Variants in ATP2C2 observed in about 807,000 individuals in gnomAD.
ATP2C2 encodes the protein calcium-transporting ATPase type 2C member 2.
A neutral mutation model predicts 110.8 loss-of-function variants in ATP2C2; 171 were observed. The ratio of observed to expected loss-of-function variants is 1.54; its 90% CI spans 1.36 to 1.75. The LOEUF is 1.75. ATP2C2 is among the 40% of genes most tolerant of loss of function. The pLI is 0.00. For synonymous variants in ATP2C2, 804 were observed against 508.4 expected, an observed-to-expected ratio of 1.58 and a Z score of -7.82; for missense variants, 1,963 against 1,235.0, an observed-to-expected ratio of 1.59 and a Z score of -8.84.
rs769137518 is a variant in ATP2C2 at position 84,451,993 on chromosome 16, C to G, written c.1733C>G (p.Pro578Arg). 3.1e-6 allele frequency: 5 copies of G among 1,613,984 alleles called. No homozygotes were observed. Among genetic ancestry groups the G allele is most frequent in the South Asian group, 2.2e-5 (2 of 91,044 alleles). The change falls in exon 18 of 27, where the codon CCG (proline) becomes CGG (arginine). Residue 578 changes from proline (P) to arginine (R), a missense_variant. Transcript: ENST00000262429. ...GGTCTTGTGGGCATCATTGACCCCC[C>G]GAGAGTTGGCGTGAAGGAAGCAGTC... The part of the protein sequence containing the change: ...FLGLVGIIDP[P>R]RVGVKEAVQV...
chr16:84,433,647 G>A (rs182160664), intron 11 of ATP2C2, among the ~76,000 whole-genome samples: 14 of 150,056 alleles, frequency 9.3e-5, no homozygotes, highest in South Asian at 2.1e-4. Context: ...GCAAGACTCC[G>A]TCTCAAAAAC....
Position 84,440,899 on chromosome 16 carries a change from C to CT in ATP2C2, c.1253dup (p.Pro419ThrfsTer7), listed in dbSNP as rs966119486. ...TGACGGTCAAGGGACTGTGTGTCTT[C>CT]TACCATCCAAGGAAGTCATTAAGGA... On this transcript the variant is annotated frameshift_variant, in exon 14 of 27. Coordinates refer to ENST00000262429, the MANE Select transcript of ATP2C2 (RefSeq NM_014861.4). LOFTEE classifies it high-confidence loss of function. 2 of 1,613,550 alleles carry CT rather than the reference C, an allele frequency of 1.2e-6. No individual in the cohort carries two copies. Among genetic ancestry groups the CT allele is most frequent in the Non-Finnish European group, 1.7e-6 (2 of 1,179,976 alleles).
At chr16:84,383,909 C>G (rs1311940385) in intron 1 of ATP2C2, among the ~76,000 whole-genome samples, 1 of 151,636 alleles carries the variant, frequency 6.6e-6, no homozygotes, top group Non-Finnish European at 1.5e-5. Flanking sequence ...CCAACCTCAG[C>G]CTCCCCAGTA....
chr16:84,386,917 T>G (rs1904345024), intron 1 of ATP2C2, among the ~76,000 whole-genome samples: 1 of 133,452 alleles, frequency 7.5e-6, no homozygotes, highest in Non-Finnish European at 1.7e-5. Flanking sequence ...TTTGTTTGTT[T>G]GTTTGTTTTG....
intron 2 of ATP2C2, 119 bp from the exon 3 acceptor site, chr16:84,405,009 C>G (rs549709836): frequency 4.6e-6 from 4 of 865,068 alleles, no homozygotes; most frequent in Middle Eastern, 2.2e-4. Flanking sequence ...CCTTGGTGGA[C>G]AAGCCTGTGT....
intron 1 of ATP2C2, among the ~76,000 whole-genome samples, chr16:84,378,451 C>G (rs1458845514): frequency 6.6e-6 from 1 of 152,196 alleles, no homozygotes; most frequent in Non-Finnish European, 1.5e-5. Flanking sequence ...TGCTAGATTC[C>G]TCCTCTCCCT....
intron 11 of ATP2C2, among the ~76,000 whole-genome samples, chr16:84,428,233 A>G (rs1192037134): frequency 5.9e-5 from 9 of 152,352 alleles, no homozygotes; most frequent in African/African-American, 2.2e-4. Flanking sequence ...TCAGGTACCT[A>G]GTATCAGGTG....
chr16:84,427,674 G>A lies in ATP2C2; in HGVS notation c.986+1873G>A, dbSNP rs537576994. ...GGAGTTTGCAGTGAGCCGAGATTGC[G>A]CCACTGCCCTCCAGCCTGGGTGACA... On this transcript the variant is annotated intron_variant, in intron 11 of 26. Transcript: ENST00000262429. Among the ~76,000 whole-genome samples the A allele has an allele frequency of 2.0e-3, 312 of 152,240 alleles. 1 individual carries two copies. Among genetic ancestry groups the A allele is most frequent in the Admixed American group, 3.7e-3 (57 of 15,292 alleles).
intron 5 of ATP2C2, 49 bp downstream of exon 5, chr16:84,410,652 G>C (rs769220886): frequency 7.4e-6 from 12 of 1,613,674 alleles, no homozygotes; most frequent in African/African-American, 1.3e-5. Context: ...CGGGACAGGA[G>C]CTTCATGGAG....
intron 1 of ATP2C2, among the ~76,000 whole-genome samples, chr16:84,387,690 A>G (rs1215554783): frequency 3.3e-5 from 5 of 152,126 alleles, no homozygotes; most frequent in African/African-American, 9.7e-5. Flanking sequence ...CACTTCTCCA[A>G]GGTTGCGGCC....
intron 7 of ATP2C2, among the ~76,000 whole-genome samples, chr16:84,419,646 C>G (rs144083240): frequency 6.6e-6 from 1 of 151,838 alleles, no homozygotes; most frequent in Non-Finnish European, 1.5e-5. Context: ...CTCCTCCCTT[C>G]CCTTGGGGCC....
At chr16:84,430,639 CA>C (rs566290549) in intron 11 of ATP2C2, among the ~76,000 whole-genome samples, 20 of 123,578 alleles carry the variant, frequency 1.6e-4, no homozygotes, top group Admixed American at 3.3e-4. Flanking sequence ...GACACCATCT[CA>C]AAAAAAAAAA....
At chr16:84,398,254 A>C (rs984026302) in intron 1 of ATP2C2, among the ~76,000 whole-genome samples, 52 of 151,926 alleles carry the variant, frequency 3.4e-4, no homozygotes, top group African/African-American at 1.2e-3. Context: ...ATACCAAAAA[A>C]ATTTAGTGGG....
At chr16:84,454,762 G>A (rs77896881) in intron 20 of ATP2C2, 56 bp from the exon 21 acceptor site, 107,660 of 1,504,794 alleles carry the variant, frequency 0.072, 4,911 homozygotes, top group South Asian at 0.22. Context: ...GTGCATGGCC[G>A]GGCACTGGGA....
At chr16:84,453,264 G>A in intron 19 of ATP2C2, 29 bp downstream of exon 19, 1 of 1,613,990 alleles carries the variant, frequency 6.2e-7, no homozygotes, top group Non-Finnish European at 8.5e-7. Context: ...GGCTGGCAGT[G>A]GGGCTGGGTC....
At chr16:84,445,506 C>T (rs1909665916) in intron 15 of ATP2C2, among the ~76,000 whole-genome samples, 1 of 152,150 alleles carries the variant, frequency 6.6e-6, no homozygotes, top group Non-Finnish European at 1.5e-5. Context: ...CCATGCCCGG[C>T]CTTCCTCCTC....
chr16:84,393,538 G>T (rs1904787156), intron 1 of ATP2C2, among the ~76,000 whole-genome samples: 1 of 152,176 alleles, frequency 6.6e-6, no homozygotes, highest in African/African-American at 2.4e-5. Context: ...GATAGGAAAT[G>T]AAAAGATAGA....
At chr16:84,383,143 A>T (rs780986428) in intron 1 of ATP2C2, among the ~76,000 whole-genome samples, 3 of 152,168 alleles carry the variant, frequency 2.0e-5, no homozygotes, top group Non-Finnish European at 4.4e-5. Flanking sequence ...TCAGTGGCCT[A>T]CTGCTTTCTG....
In ATP2C2 at chr16:84,454,994, C is replaced by A. The variant is rs1209123755; in HGVS notation, c.2147+10C>A. ...ACTTCTCAGCCATCATGTAAGCTGC[C>A]CTTCTGGTTGTTTTTCAGTTGCAAA... is the stretch of plus-strand genomic sequence containing the variant. On this transcript the variant is annotated intron_variant, in intron 21 of 26. Transcript: ENST00000262429. 1.2e-6 allele frequency: 2 copies of A among 1,612,196 alleles called. No individual in the cohort carries two copies. The highest frequency in any genetic ancestry group is 2.2e-5 in the East Asian group (1 of 44,584).
Sources: allele counts gnomAD v4.1 joint callset (sites outside exome capture counted in the v4.1 genomes callset), GRCh38; gene constraint gnomAD v4.1.1; transcripts MANE v1.5; gene names NCBI Gene and HGNC (gene_info 2026-07-23, HGNC 2026-07-21).